Variants in TBC1D1 observed in about 807,000 individuals in gnomAD.
TBC1D1 encodes TBC1 domain family member 1.
In TBC1D1, 89 loss-of-function variants were observed where a neutral mutation model predicts 125.6. That is an observed-to-expected ratio of 0.71 (90% CI 0.60 to 0.85). The LOEUF (loss-of-function observed/expected upper bound fraction) is 0.85. Among genes scored for constraint, TBC1D1 ranks in the 40% least tolerant of loss-of-function variants. The probability of loss-of-function intolerance (pLI) is 0.00; values close to 1 mark genes in which losing one functional copy is unlikely to be tolerated. For missense variants in TBC1D1, 1,377 were observed against 1,469.2 expected (o/e 0.94, Z 1.03); for synonymous variants, 565 against 564.1 (o/e 1.00, Z -0.02).
At chr4:37,987,242 T>C (rs1034449657) in intron 2 of TBC1D1, among the ~76,000 whole-genome samples, 2 of 152,182 alleles carry the variant, frequency 1.3e-5, no homozygotes, top group Admixed American at 1.3e-4. Flanking sequence ...TCATAATTAA[T>C]TTAATTCTCA....
chr4:38,064,538 A>C (rs1753338751), intron 12 of TBC1D1, among the ~76,000 whole-genome samples: 1 of 152,014 alleles, frequency 6.6e-6, no homozygotes, highest in Admixed American at 6.5e-5. Flanking sequence ...GGGGAAGCCA[A>C]GTCTCCATGG....
chr4:38,021,458 A>G (rs1744011766), intron 5 of TBC1D1, 128 bp from the exon 6 acceptor site: 1 of 691,458 alleles, frequency 1.4e-6, no homozygotes, highest in Non-Finnish European at 2.2e-6. Context: ...TTATCTGTCA[A>G]CCTGTGAAGA....
intron 2 of TBC1D1, among the ~76,000 whole-genome samples, chr4:37,975,529 G>A (rs6829590): frequency 0.38 from 57,911 of 151,982 alleles, 11,180 homozygotes; most frequent in Middle Eastern, 0.47. Flanking sequence ...TCCCATTCCC[G>A]GTCTGCTAAG....
chr4:38,095,817 C>A, intron 13 of TBC1D1, 112 bp from the exon 16 acceptor site: 2 of 1,106,754 alleles, frequency 1.8e-6, no homozygotes, highest in African/African-American at 1.6e-5. Context: ...CGCGTTAAGC[C>A]AGTTGTAACT....
intron 2 of TBC1D1, among the ~76,000 whole-genome samples, chr4:37,957,943 A>G (rs991316695): frequency 6.6e-6 from 1 of 152,170 alleles, no homozygotes; most frequent in Non-Finnish European, 1.5e-5. Flanking sequence ...ATACCAGATA[A>G]AATTATCAGC....
chr4:37,945,244 T>G (rs892060313), intron 2 of TBC1D1, among the ~76,000 whole-genome samples: 3 of 152,048 alleles, frequency 2.0e-5, no homozygotes, highest in Admixed American at 2.0e-4. Context: ...CTGGGTGTGG[T>G]GGCTCATGCC....
chr4:37,996,061 CT>C, intron 2 of TBC1D1: 1 of 515,058 alleles, frequency 1.9e-6, no homozygotes. Flanking sequence ...TGAGGGAATC[CT>C]TTTGCAAGGC....
At chr4:38,082,686 G>A (rs545884364) in intron 12 of TBC1D1, among the ~76,000 whole-genome samples, 8 of 152,156 alleles carry the variant, frequency 5.3e-5, no homozygotes, top group East Asian at 1.9e-4. Flanking sequence ...GCCACCAGCC[G>A]CCCATCACTG....
In TBC1D1 at chr4:37,995,429, C is replaced by T. The variant is rs1454715466; in HGVS notation, c.418-19080C>T. Reference sequence around the variant, plus strand: ...TTAGGTATCAAATGCTAGGATACAACCTGAGGTTTCTTTCCCCGCCCCCTC... The same window carrying T: ...TTAGGTATCAAATGCTAGGATACAATCTGAGGTTTCTTTCCCCGCCCCCTC... On this transcript the variant is annotated intron_variant, in intron 2 of 19. Coordinates refer to ENST00000261439, the MANE Select transcript of TBC1D1 (RefSeq NM_015173.4). The surrounding 1 kb of genome is among the most constrained non-coding windows in gnomAD (Gnocchi z 4.3). 1 of 198,858 alleles carries T rather than the reference C, an allele frequency of 5.0e-6. No homozygotes were observed. The highest frequency in any genetic ancestry group is 1.0e-5 in the Non-Finnish European group (1 of 95,706). The allele number at this position is 198,858 out of a possible 1,614,324, so 12.3% of individuals were successfully genotyped here. A position where few individuals can be genotyped will look rare whatever the true frequency, so the allele number is the denominator to read the frequency against.
intron 15 of TBC1D1, among the ~76,000 whole-genome samples, chr4:38,105,575 A>G (rs1313105471): frequency 6.6e-6 from 1 of 151,740 alleles, no homozygotes; most frequent in Non-Finnish European, 1.5e-5. Context: ...TAGTTTTTCA[A>G]CCCTTGCCTT....
chr4:38,094,883 CAAAA>C (rs528226098), intron 13 of TBC1D1, among the ~76,000 whole-genome samples: 5 of 61,006 alleles, frequency 8.2e-5, no homozygotes, highest in Admixed American at 5.2e-4. Flanking sequence ...AAATCACAGC[CAAAA>C]AAAAAAAAAA....
At chr4:37,987,527 T>C (rs1318862529) in intron 2 of TBC1D1, among the ~76,000 whole-genome samples, 1 of 152,206 alleles carries the variant, frequency 6.6e-6, no homozygotes, top group Non-Finnish European at 1.5e-5. Flanking sequence ...TTTTTCCCCT[T>C]TCTTAGGTGA....
chr4:38,073,815 A>AG (rs558945012), intron 12 of TBC1D1, among the ~76,000 whole-genome samples: 153 of 152,264 alleles, frequency 1.0e-3, no homozygotes, highest in Non-Finnish European at 1.9e-3. Context: ...CATTCCTAAT[A>AG]GGGGTCTGAA....
At chr4:38,084,960 T>C (rs1369136102) in intron 12 of TBC1D1, among the ~76,000 whole-genome samples, 1 of 152,170 alleles carries the variant, frequency 6.6e-6, no homozygotes, top group South Asian at 2.1e-4. Flanking sequence ...TTTGTGAAAG[T>C]GCAAGAAAGA....
chr4:38,033,668 A>C (rs1033040844), intron 7 of TBC1D1, among the ~76,000 whole-genome samples: 44 of 152,166 alleles, frequency 2.9e-4, no homozygotes. Flanking sequence ...TATCATACAG[A>C]ATAGTTTCAC....
At chr4:38,007,397 C>T (rs1383503511) in intron 2 of TBC1D1, among the ~76,000 whole-genome samples, 3 of 151,954 alleles carry the variant, frequency 2.0e-5, no homozygotes, top group Non-Finnish European at 4.4e-5. Flanking sequence ...GGACTACAGG[C>T]GCCTGCCACC....
At chr4:37,990,780 C>T (rs965317497) in intron 2 of TBC1D1, among the ~76,000 whole-genome samples, 11 of 152,164 alleles carry the variant, frequency 7.2e-5, no homozygotes, top group African/African-American at 2.4e-4. Context: ...TTTGTCAATT[C>T]TCTAGTGTGT....
intron 15 of TBC1D1, among the ~76,000 whole-genome samples, chr4:38,108,056 A>C (rs1761627805): frequency 6.6e-6 from 1 of 152,158 alleles, no homozygotes. Flanking sequence ...TGCCCCACCC[A>C]TCTGCATCCA....
At chr4:38,118,608 T>C in intron 17 of TBC1D1, 1 of 159,738 alleles carries the variant, frequency 6.3e-6, no homozygotes, top group Non-Finnish European at 1.4e-5. Context: ...TTGGCATCTC[T>C]TCCTCCCCTT....
Sources: allele counts gnomAD v4.1 joint callset (sites outside exome capture counted in the v4.1 genomes callset), GRCh38; gene constraint gnomAD v4.1.1; non-coding constraint Gnocchi (gnomAD v3.1); transcripts MANE v1.5; gene names NCBI Gene and HGNC (gene_info 2026-07-23, HGNC 2026-07-21).